Variants in CAPN1 observed in about 807,000 individuals in gnomAD.
CAPN1 encodes calpain-1 catalytic subunit.
A neutral mutation model predicts 105.2 loss-of-function variants in CAPN1; 77 were observed. That is an observed-to-expected ratio of 0.73 (90% CI 0.61 to 0.88). The LOEUF (loss-of-function observed/expected upper bound fraction) is 0.88. Among genes scored for constraint, CAPN1 ranks in the 40% least tolerant of loss-of-function variants. The probability of loss-of-function intolerance (pLI) is 0.00; values close to 1 mark genes in which losing one functional copy is unlikely to be tolerated. For missense variants in CAPN1, 833 were observed against 976.6 expected, an observed-to-expected ratio of 0.85 and a Z score of 1.96; for synonymous variants, 355 against 388.8, an observed-to-expected ratio of 0.91 and a Z score of 1.02.
Position 65,208,295 on chromosome 11 carries a change from CCAT to C in CAPN1, c.1729+34_1729+36del. 12 of 1,536,904 alleles carry C rather than the reference CCAT, an allele frequency of 7.8e-6. No individual in the cohort carries two copies. The highest frequency in any genetic ancestry group is 1.1e-5 in the Non-Finnish European group (12 of 1,133,376). ...CCCGCGGGGCTGTCCCACCACCCCA[CCAT>C]TTCTTCCACATCAGAATCCAGGCTC... On this transcript the variant is annotated intron_variant, in intron 16 of 21. Coordinates refer to ENST00000279247, the MANE Select transcript of CAPN1 (RefSeq NM_005186.4). This position sits in a 1 kb window ranked among gnomAD's most constrained non-coding sequence, Gnocchi z 4.1.
At position 65,210,973 on chromosome 11, in the gene CAPN1, C is replaced by T. The variant is rs148343887; in HGVS notation, c.2118+101C>T. On this transcript the variant is annotated intron_variant, in intron 21 of 21. Coordinates refer to ENST00000279247, the MANE Select transcript of CAPN1 (RefSeq NM_005186.4). The surrounding 1 kb of genome is among the most constrained non-coding windows in gnomAD (Gnocchi z 4.3). ...GTCCTTTCCTGGAAATGAGCCTGGG[C>T]CTCAGAGCCAACCCTGAAGCCCGGG... 446 of 1,105,350 alleles carry T rather than the reference C, an allele frequency of 4.0e-4. 2 individuals carry two copies. The African/African-American group carries it at 5.4e-3, about 13-fold the overall frequency. 68.5% of individuals were successfully genotyped at this position (1,105,350 alleles called of 1,614,324 possible). A position where few individuals can be genotyped will look rare whatever the true frequency, so the allele number is the denominator to read the frequency against.
chr11:65,192,220 A>T (rs547095403), intron 10 of CAPN1, among the ~76,000 whole-genome samples: 1 of 152,260 alleles, frequency 6.6e-6, no homozygotes, highest in East Asian at 1.9e-4. Flanking sequence ...GGGCAACAGA[A>T]CATGACCCCA....
rs1324831815 is a variant in CAPN1 at position 65,211,633 on chromosome 11, GCAC to G, written c.*352_*354del. ...CCCCACTTCAGAGGCCACCCACTCA[GCAC>G]CACCGGCCTGGCCTTGCCTGCAGAC... is the stretch of plus-strand genomic sequence containing the variant. On this transcript the variant is annotated 3_prime_UTR_variant, in exon 22 of 22. Transcript: ENST00000279247. 1 of 427,910 alleles carries G rather than the reference GCAC, an allele frequency of 2.3e-6. No homozygotes were observed. The highest frequency in any genetic ancestry group is 4.3e-6 in the Non-Finnish European group (1 of 230,616). 26.5% of individuals were successfully genotyped at this position (427,910 alleles called of 1,614,324 possible). A position where few individuals can be genotyped will look rare whatever the true frequency, so the allele number is the denominator to read the frequency against.
chr11:65,182,605 G>T, intron 1 of CAPN1, 96 bp from the exon 2 acceptor site: 1 of 1,337,214 alleles, frequency 7.5e-7, no homozygotes, highest in East Asian at 2.6e-5. Context: ...GTTTGGGGAT[G>T]GATAAGCAGG....
chr11:65,196,707 T>C (rs1948797076), intron 10 of CAPN1, among the ~76,000 whole-genome samples: 1 of 152,208 alleles, frequency 6.6e-6, no homozygotes, highest in Non-Finnish European at 1.5e-5. Flanking sequence ...ATTACCATTA[T>C]CATCTCTTTC....
chr11:65,182,026 G>A lies in CAPN1; in HGVS notation c.-2+13G>A. The A allele has an allele frequency of 6.4e-6, 1 of 157,086 alleles. No homozygotes were observed. Among genetic ancestry groups the A allele is most frequent in the Non-Finnish European group, 1.4e-5 (1 of 71,128 alleles). The allele number at this position is 157,086 out of a possible 1,614,324, so 9.7% of individuals were successfully genotyped here. On this transcript the variant is annotated intron_variant, in intron 1 of 21. Transcript: ENST00000279247. The stretch of plus-strand genomic sequence containing the variant: ...ACCCCTCCCCCAGGTAAGAAGCTGG[G>A]TAGCCGAGCCGGGATTCCTTGACCC...
intron 10 of CAPN1, among the ~76,000 whole-genome samples, chr11:65,201,753 C>T (rs1465746395): frequency 1.3e-5 from 2 of 151,402 alleles, no homozygotes; most frequent in Middle Eastern, 3.4e-3. Flanking sequence ...CTCCTGACCT[C>T]GTGATCCGCC....
In CAPN1 at chr11:65,208,632, AGCTGG is replaced by A. The variant is rs1948999378; in HGVS notation, c.1729+373_1729+377del. On this transcript the variant is annotated intron_variant, in intron 16 of 21. Coordinates refer to ENST00000279247, the MANE Select transcript of CAPN1 (RefSeq NM_005186.4). The surrounding 1 kb of genome is among the most constrained non-coding windows in gnomAD (Gnocchi z 4.1). ...GTCTCTGCAAAAAAGTACAAAAATT[AGCTGG>A]GCGTGGTGGCATGCACCTATAGTCC... The A allele has an allele frequency of 5.8e-6, 2 of 343,810 alleles. No individual in the cohort carries two copies. Among genetic ancestry groups the A allele is most frequent in the Non-Finnish European group, 1.1e-5 (2 of 177,088 alleles). The allele number at this position is 343,810 out of a possible 1,614,324, so 21.3% of individuals were successfully genotyped here.
intron 4 of CAPN1, among the ~76,000 whole-genome samples, chr11:65,184,338 C>T (rs1362098429): frequency 1.3e-5 from 2 of 152,202 alleles, no homozygotes; most frequent in East Asian, 1.9e-4. Context: ...GCCACACCCA[C>T]CTGCTCCAGT....
At chr11:65,195,793 G>C (rs1053858981) in intron 10 of CAPN1, among the ~76,000 whole-genome samples, 7 of 152,152 alleles carry the variant, frequency 4.6e-5, no homozygotes, top group African/African-American at 1.7e-4. Flanking sequence ...ATTTAGAAGA[G>C]TTTGAGGATT....
chr11:65,195,099 G>GTTTTTTTTT lies in CAPN1; in HGVS notation c.1165+6353_1165+6354insTTTTTTTTT, dbSNP rs1565403797. Among the ~76,000 whole-genome samples the GTTTTTTTTT allele has an allele frequency of 1.3e-4, 16 of 121,830 alleles. 4 individuals are homozygous for GTTTTTTTTT. Among genetic ancestry groups the GTTTTTTTTT allele is most frequent in the Non-Finnish European group, 1.3e-4 (8 of 60,110 alleles). The allele number at this position is 121,830 out of a possible 152,430, so 79.9% of individuals were successfully genotyped here. The stretch of plus-strand genomic sequence containing the variant: ...AAGTGGTATCACTGAAGTTTTTTGG[G>GTTTTTTTTT]GTTTTTTTTTTTTTTTTTTTTTTTT... On this transcript the variant is annotated intron_variant, in intron 10 of 21. Coordinates refer to ENST00000279247, the MANE Select transcript of CAPN1 (RefSeq NM_005186.4).
intron 10 of CAPN1, among the ~76,000 whole-genome samples, chr11:65,191,806 C>T (rs1173760873): frequency 1.3e-5 from 2 of 152,190 alleles, no homozygotes; most frequent in African/African-American, 2.4e-5. Flanking sequence ...GCTTCCTGCT[C>T]TTGTTCCTCC....
At chr11:65,201,246 C>T (rs1275488196) in intron 10 of CAPN1, among the ~76,000 whole-genome samples, 1 of 151,466 alleles carries the variant, frequency 6.6e-6, no homozygotes, top group African/African-American at 2.4e-5. Flanking sequence ...GCCTGGTCGT[C>T]TGGCTCATTT....
chr11:65,190,717 TG>T (rs200232910), intron 10 of CAPN1, among the ~76,000 whole-genome samples: 54,641 of 148,298 alleles, frequency 0.37, 11,337 homozygotes, highest in Non-Finnish European at 0.48. Flanking sequence ...TTTTTGTTTT[TG>T]TTTTTGTTTT....
In CAPN1 at chr11:65,210,407, TTTGACAA is replaced by T; in HGVS notation, c.2017_2023del (p.Asp673SerfsTer8). ...CTCGGAGCCCGACCTGGCGGTCGAC[TTTGACAA>T]TTTCGTTTGCTGCCTGGTGCGGCTA... On this transcript the variant is annotated frameshift_variant, in exon 20 of 22. Coordinates refer to ENST00000279247, the MANE Select transcript of CAPN1 (RefSeq NM_005186.4). LOFTEE classifies it high-confidence loss of function. The surrounding 1 kb of genome is among the most constrained non-coding windows in gnomAD (Gnocchi z 4.3). The T allele has an allele frequency of 1.9e-6, 3 of 1,613,308 alleles. No individual in the cohort carries two copies. The highest frequency in any genetic ancestry group is 2.5e-6 in the Non-Finnish European group (3 of 1,179,698).
intron 10 of CAPN1, among the ~76,000 whole-genome samples, chr11:65,194,208 T>G (rs1948760500): frequency 6.6e-6 from 1 of 152,072 alleles, no homozygotes. Flanking sequence ...CCTCAACTGA[T>G]CCGCCCTGCT....
At chr11:65,204,180 G>A (rs2137379311) in intron 10 of CAPN1, among the ~76,000 whole-genome samples, 1 of 152,200 alleles carries the variant, frequency 6.6e-6, no homozygotes, top group Non-Finnish European at 1.5e-5. Flanking sequence ...TGCAAGCTGT[G>A]GGAGGGTTCT....
At position 65,188,587 on chromosome 11, in the gene CAPN1, A is replaced by T. The variant is rs1166076360; in HGVS notation, c.1006A>T (p.Met336Leu). The T allele has an allele frequency of 1.2e-6, 2 of 1,613,882 alleles. No individual in the cohort carries two copies. Among genetic ancestry groups the T allele is most frequent in the East Asian group, 4.5e-5 (2 of 44,858 alleles). ...RVKMEDGEFW[M>L]SFRDFMREFT... ...TCACCTGTGTACCTCCCACCTCAGG[A>T]TGTCATTCCGAGACTTCATGCGGGA... Residue 336 changes from methionine to leucine, a missense_variant and splice_region_variant, in exon 10 of 22, where the codon ATG (methionine) becomes TTG (leucine). By Grantham distance (15) the Met-to-Leu change is conservative. Transcript: ENST00000279247. The surrounding 1 kb of genome is among the most constrained non-coding windows in gnomAD (Gnocchi z 5.5).
intron 10 of CAPN1, among the ~76,000 whole-genome samples, chr11:65,196,457 C>T (rs1055107318): frequency 5.9e-5 from 9 of 152,032 alleles, no homozygotes; most frequent in Non-Finnish European, 8.8e-5. Flanking sequence ...TGGGATCCAT[C>T]GCCTCAAACA....
Sources: allele counts gnomAD v4.1 joint callset (sites outside exome capture counted in the v4.1 genomes callset), GRCh38; gene constraint gnomAD v4.1.1; non-coding constraint Gnocchi (gnomAD v3.1); transcripts MANE v1.5; gene names NCBI Gene and HGNC (gene_info 2026-07-23, HGNC 2026-07-21).